The following BTF3 variants were observed in gnomAD, a reference collection of about 807,000 sequenced individuals.
BTF3 encodes the protein transcription factor BTF3.
BTF3 carries 12 observed loss-of-function variants against 23.9 expected under a neutral mutation model. The ratio of observed to expected loss-of-function variants is 0.50; its 90% CI spans 0.32 to 0.81. The LOEUF (loss-of-function observed/expected upper bound fraction) is 0.81. Ranked by LOEUF, BTF3 falls within the 40% of genes least tolerant of loss-of-function variation. The pLI is 0.03. For synonymous variants in BTF3, 96 were observed against 94.8 expected, an observed-to-expected ratio of 1.01 and a Z score of -0.07; for missense variants, 215 against 255.9, an observed-to-expected ratio of 0.84 and a Z score of 1.09.
intron 3 of BTF3, 102 bp from the exon 4 acceptor site, chr5:73,502,803 TTTCACCTGTGC>T (rs1290876253): frequency 8.8e-7 from 1 of 1,137,498 alleles, no homozygotes; most frequent in Non-Finnish European, 1.2e-6. Context: ...CCAGGCAAAA[TTTCACCTGTGC>T]TTCACAGTGA....
intron 1 of BTF3, 114 bp downstream of exon 1, chr5:73,498,913 C>G (rs916611357): frequency 4.3e-6 from 6 of 1,409,904 alleles, no homozygotes; most frequent in African/African-American, 1.6e-5. Context: ...GCCTTTCATC[C>G]GGGCCTGCCA....
Position 73,505,659 on chromosome 5 carries a change from G to A in BTF3, c.*421G>A, listed in dbSNP as rs79914590. On this transcript the variant is annotated 3_prime_UTR_variant, in exon 6 of 6. Transcript: ENST00000380591. The stretch of plus-strand genomic sequence containing the variant: ...AACAAAGGTGGTATAAAGTTCTCAG[G>A]TTTGAAAACTTTGCTCTCCAACAGT... The A allele has an allele frequency of 0.015, 2,323 of 155,058 alleles. 47 individuals carry two copies. Among genetic ancestry groups the A allele is most frequent in the African/African-American group, 0.051 (2,119 of 41,564 alleles). 9.6% of individuals were successfully genotyped at this position (155,058 alleles called of 1,614,324 possible). A position where few individuals can be genotyped will look rare whatever the true frequency, so the allele number is the denominator to read the frequency against.
chr5:73,501,601 C>G (rs908420529), intron 2 of BTF3, among the ~76,000 whole-genome samples: 2 of 152,048 alleles, frequency 1.3e-5, no homozygotes, highest in African/African-American at 4.8e-5. Flanking sequence ...AGGAGAGGAA[C>G]AGCATGTGCA....
At chr5:73,505,158 T>G in intron 5 of BTF3, 34 bp from the exon 6 acceptor site, 1 of 1,591,792 alleles carries the variant, frequency 6.3e-7, no homozygotes, top group Non-Finnish European at 8.6e-7. Context: ...AGATTTGGCT[T>G]TTTTAAGAAT....
chr5:73,501,017 A>G (rs1190306380), intron 2 of BTF3, among the ~76,000 whole-genome samples: 1 of 151,970 alleles, frequency 6.6e-6, no homozygotes, highest in Non-Finnish European at 1.5e-5. Flanking sequence ...TCCTGAGAAT[A>G]TAAAATTTTA....
At chr5:73,501,491 GT>G (rs1243522673) in intron 2 of BTF3, among the ~76,000 whole-genome samples, 1 of 152,208 alleles carries the variant, frequency 6.6e-6, no homozygotes, top group Non-Finnish European at 1.5e-5. Context: ...GAGTGTGGAA[GT>G]TGCTATTTTA....
At chr5:73,504,966 A>G (rs770311554) in intron 5 of BTF3, 2 of 447,606 alleles carry the variant, frequency 4.5e-6, no homozygotes, top group Non-Finnish European at 7.7e-6. Context: ...ATTGTGTGTC[A>G]TTGTATTCTT....
chr5:73,498,945 G>A (rs1486336927), intron 1 of BTF3, 146 bp downstream of exon 1: 4 of 1,335,956 alleles, frequency 3.0e-6, no homozygotes, highest in Non-Finnish European at 4.0e-6. Context: ...CTGTGGGGGA[G>A]TGGTGGGGAG....
chr5:73,505,260 A>G lies in BTF3; in HGVS notation c.*22A>G, dbSNP rs183997992. ...CTGAATTGAGTCAACTTCTGAAGAT[A>G]AAACCTGAAGAAGTTACTGGGAGCT... On this transcript the variant is annotated 3_prime_UTR_variant, in exon 6 of 6. Transcript: ENST00000380591. 29 of 1,604,798 alleles carry G rather than the reference A, an allele frequency of 1.8e-5. No homozygotes were observed. The Admixed American group carries it at 4.2e-4, about 23-fold the overall frequency.
At chr5:73,504,913 T>C (rs1334429908) in intron 5 of BTF3, 4 of 327,570 alleles carry the variant, frequency 1.2e-5, no homozygotes, top group African/African-American at 2.2e-5. Context: ...ATATTCCCAC[T>C]TTGCATAGAC....
chr5:73,505,286 G>C lies in BTF3; in HGVS notation c.*48G>C. On this transcript the variant is annotated 3_prime_UTR_variant, in exon 6 of 6. Transcript: ENST00000380591. ...AAACCTGAAGAAGTTACTGGGAGCT[G>C]CTATTTTATATTATGACTGCTTTTT... 1 of 1,539,392 alleles carries C rather than the reference G, an allele frequency of 6.5e-7. No individual in the cohort carries two copies. Among genetic ancestry groups the C allele is most frequent in the Non-Finnish European group, 8.9e-7 (1 of 1,127,216 alleles).
intron 2 of BTF3, among the ~76,000 whole-genome samples, chr5:73,500,351 C>A (rs182151021): frequency 6.6e-6 from 1 of 152,124 alleles, no homozygotes; most frequent in Non-Finnish European, 1.5e-5. Context: ...ACCACTCTTA[C>A]TTTCAGTACA....
chr5:73,502,356 A>G (rs1375804349), intron 2 of BTF3, 132 bp from the exon 3 acceptor site: 3 of 600,130 alleles, frequency 5.0e-6, no homozygotes, highest in Non-Finnish European at 8.2e-6. Context: ...TGCTCACTGC[A>G]TAAGTTTATG....
chr5:73,503,105 C>T lies in BTF3; in HGVS notation c.505C>T (p.Leu169=), dbSNP rs1746478623. 6.2e-7 allele frequency: 1 copy of T among 1,613,562 alleles called. No homozygotes were observed. Among genetic ancestry groups the T allele is most frequent in the Non-Finnish European group, 8.5e-7 (1 of 1,179,748 alleles). The change falls in exon 4 of 6, where the codon CTG becomes TTG. Residue 169 remains leucine (L), a synonymous_variant. Coordinates refer to ENST00000380591, the MANE Select transcript of BTF3 (RefSeq NM_001037637.2). Reference sequence around the variant, plus strand: ...TAGTTTAAGGAGACTGGCCGAAGCTCTGCCCAAACAATGTGAGTTTCCTAG... The same window carrying T: ...TAGTTTAAGGAGACTGGCCGAAGCTTTGCCCAAACAATGTGAGTTTCCTAG... ...LTSLRRLAEA[L]PKQSVDGKAP...
chr5:73,499,257 A>G (rs770943776), intron 2 of BTF3, 55 bp downstream of exon 2: 1 of 1,557,386 alleles, frequency 6.4e-7, no homozygotes. Context: ...TAGGTATTTT[A>G]AAAAACATAT....
At chr5:73,503,922 CTT>C (rs1746496569) in intron 4 of BTF3, among the ~76,000 whole-genome samples, 1 of 152,098 alleles carries the variant, frequency 6.6e-6, no homozygotes, top group Non-Finnish European at 1.5e-5. Context: ...TTTACTTTAA[CTT>C]TTTTCATTTC....
rs559350283 is a variant in BTF3 at position 73,505,202 on chromosome 5, G to A, written c.585G>A (p.Glu195=). The change falls in exon 6 of 6, where the codon GAG becomes GAA. Residue 195 remains glutamate (E), a synonymous_variant. Transcript: ENST00000380591. ...DDDDEVPDLV[E]NFDEASKNEA... ...TTTTCCTTTTCCTAGATCTTGTGGAGAATTTTGATGAGGCTTCCAAGAATG... is the reference window on the plus strand; with the variant it reads ...TTTTCCTTTTCCTAGATCTTGTGGAAAATTTTGATGAGGCTTCCAAGAATG... The A allele has an allele frequency of 1.2e-6, 2 of 1,609,806 alleles. No individual in the cohort carries two copies. Among genetic ancestry groups the A allele is most frequent in the South Asian group, 2.2e-5 (2 of 90,736 alleles).
In BTF3 at chr5:73,504,267, C is replaced by CTTTTTTTTTTTTTTTTT. The variant is rs34051700; in HGVS notation, c.518-71_518-55dup. 2.8e-4 allele frequency: 35 copies of CTTTTTTTTTTTTTTTTT among 125,372 alleles called. 4 individuals carry two copies. The highest frequency in any genetic ancestry group is 4.0e-4 in the Non-Finnish European group (27 of 66,836). The allele number at this position is 125,372 out of a possible 1,614,324, so 7.8% of individuals were successfully genotyped here. On this transcript the variant is annotated intron_variant, in intron 4 of 5. Coordinates refer to ENST00000380591, the MANE Select transcript of BTF3 (RefSeq NM_001037637.2). ...AACAACACTTGGCATTTCATCTGTT[C>CTTTTTTTTTTTTTTTTT]TTTTTTTTTTTTTTTTTTTTTTTTT...
Position 73,498,819 on chromosome 5 carries a change from G to A in BTF3, c.132+20G>A. 2 of 1,505,788 alleles carry A rather than the reference G, an allele frequency of 1.3e-6. No individual in the cohort carries two copies. Among genetic ancestry groups the A allele is most frequent in the Non-Finnish European group, 1.8e-6 (2 of 1,137,540 alleles). 93.3% of individuals were successfully genotyped at this position (1,505,788 alleles called of 1,614,324 possible). A position where few individuals can be genotyped will look rare whatever the true frequency, so the allele number is the denominator to read the frequency against. On this transcript the variant is annotated intron_variant, in intron 1 of 5. Coordinates refer to ENST00000380591, the MANE Select transcript of BTF3 (RefSeq NM_001037637.2). Reference sequence around the variant, plus strand: ...CCTCAGGTACCGCGAGGCTTGCGGAGAGTGGCCGGGCCGGGCAGGCCCTGG... The same window carrying A: ...CCTCAGGTACCGCGAGGCTTGCGGAAAGTGGCCGGGCCGGGCAGGCCCTGG...
Sources: allele counts gnomAD v4.1 joint callset (sites outside exome capture counted in the v4.1 genomes callset), GRCh38; gene constraint gnomAD v4.1.1; transcripts MANE v1.5; gene names NCBI Gene and HGNC (gene_info 2026-07-23, HGNC 2026-07-21).